The following BCAR1 variants were observed in gnomAD, a reference collection of about 807,000 sequenced individuals.
BCAR1 encodes BCAR1 scaffold protein, Cas family member, also known as breast cancer anti-estrogen resistance protein 1.
In BCAR1, 30 loss-of-function variants were observed where a neutral mutation model predicts 67.6. The observed-to-expected ratio is 0.44, with a 90% CI of 0.33 to 0.60. BCAR1 has a LOEUF of 0.60. Among genes scored for constraint, BCAR1 ranks in the 20% least tolerant of loss-of-function variants. The probability of loss-of-function intolerance (pLI) is 0.02; values close to 1 mark genes in which losing one functional copy is unlikely to be tolerated. For synonymous variants in BCAR1, 626 were observed against 556.7 expected (o/e 1.12, Z -1.75); for missense variants, 1,313 against 1,222.3 (o/e 1.07, Z -1.11).
rs192073772 is a variant in BCAR1, at chr16:75,237,291, C to T, written c.687G>A (p.Pro229=). The T allele has an allele frequency of 6.5e-5, 98 of 1,519,224 alleles. No individual in the cohort carries two copies. The East Asian group carries it at 1.6e-3, about 25-fold the overall frequency. The allele number at this position is 1,519,224 out of a possible 1,614,324, so 94.1% of individuals were successfully genotyped here. The part of the protein sequence containing the change: ...GQGYVYEAAQ[P]EQDEYDIPRH... ...GCGGGATGTCGTACTCGTCCTGCTC[C>T]GGCTGGGCGGCCTCGTATACATAGC... The change falls in exon 3 of 7, where the codon CCG becomes CCA. Residue 229 remains proline, a synonymous_variant. Coordinates refer to ENST00000162330, the MANE Select transcript of BCAR1 (RefSeq NM_014567.5).
intron 6 of BCAR1, among the ~76,000 whole-genome samples, chr16:75,231,525 C>T (rs1373879398): frequency 2.6e-5 from 4 of 152,238 alleles, no homozygotes; most frequent in Non-Finnish European, 5.9e-5. Context: ...AATGGGGCAA[C>T]AGATGTTCTC....
Position 75,235,655 on chromosome 16 carries a change from G to A in BCAR1, c.1244C>T (p.Pro415Leu). Residue 415 changes from proline to leucine, a missense_variant, in exon 5 of 7, where the codon CCA (proline) becomes CTA (leucine). Pro to Leu is a moderately conservative substitution (Grantham distance 98). Coordinates refer to ENST00000162330, the MANE Select transcript of BCAR1 (RefSeq NM_014567.5). ...CTCTGCCGGGGCTTCACGTTCAGCT[G>A]GGGGAGGCACCGCATACACACCACT... The part of the protein sequence containing the change: ...VDSGVYAVPP[P>L]AEREAPAEGK... The A allele has an allele frequency of 6.2e-7, 1 of 1,609,976 alleles. No individual in the cohort carries two copies. Among genetic ancestry groups the A allele is most frequent in the Non-Finnish European group, 8.5e-7 (1 of 1,177,712 alleles).
In BCAR1 at chr16:75,235,941, G is replaced by A; in HGVS notation, c.958C>T (p.Pro320Ser). The A allele has an allele frequency of 2.5e-6, 4 of 1,574,046 alleles. No individual in the cohort carries two copies. In the South Asian group the frequency reaches 4.6e-5, roughly 18 times the overall value. ...PSVSKDVPDGPLLREETYDVP... is the reference protein window; with the variant it reads ...PSVSKDVPDGSLLREETYDVP... ...TCGTAGGTCTCCTCACGCAGCAGTG[G>A]GCCATCGGGCACATCCTTGCTCACC... Residue 320 changes from proline to serine, a missense_variant, in exon 5 of 7, where the codon CCA (proline) becomes TCA (serine). Pro to Ser is a moderately conservative substitution (Grantham distance 74, BLOSUM62 -1). Coordinates refer to ENST00000162330, the MANE Select transcript of BCAR1 (RefSeq NM_014567.5).
rs752704963 is a variant in BCAR1 at position 75,235,528 on chromosome 16, T to C, written c.1371A>G (p.Glu457=). ...GCCGTGCCAGGGCCTCCACAGCAAC[T>C]TCCAGCTCCAGGGGTTCCCGGCCCG... ...AGPGREPLEL[E]VAVEALARLQ... is the part of the protein sequence containing the mutation. The change falls in exon 5 of 7, where the codon GAA becomes GAG. Residue 457 remains glutamate, a synonymous_variant. Coordinates refer to ENST00000162330, the MANE Select transcript of BCAR1 (RefSeq NM_014567.5). 10 of 1,595,734 alleles carry C rather than the reference T, an allele frequency of 6.3e-6. No individual in the cohort carries two copies. Among genetic ancestry groups the C allele is most frequent in the Non-Finnish European group, 7.7e-6 (9 of 1,171,930 alleles).
intron 6 of BCAR1, among the ~76,000 whole-genome samples, chr16:75,233,595 C>A (rs1415241522): frequency 6.6e-6 from 1 of 152,188 alleles, no homozygotes. Flanking sequence ...TGTGAGGGGT[C>A]TATTTTCTGC....
At chr16:75,254,638 G>A (rs2077739842), upstream of BCAR1, among the ~76,000 whole-genome samples, 7 of 152,344 alleles carry the variant, frequency 4.6e-5, no homozygotes, top group South Asian at 1.4e-3. Flanking sequence ...GAATAAGGAG[G>A]AGCTGGGAGA....
chr16:75,260,024 T>G (rs2077868089), intron 1 of BCAR1, among the ~76,000 whole-genome samples: 1 of 151,730 alleles, frequency 6.6e-6, no homozygotes, highest in Non-Finnish European at 1.5e-5. Context: ...TGAAACCCTG[T>G]CTCTACTAAA....
chr16:75,237,811 AG>A (rs1453601714), intron 2 of BCAR1, among the ~76,000 whole-genome samples: 2 of 152,124 alleles, frequency 1.3e-5, no homozygotes, highest in African/African-American at 4.8e-5. Flanking sequence ...CCTCCTCAGA[AG>A]GGTTGGCCCA....
In BCAR1 at chr16:75,251,366, TC is replaced by T; in HGVS notation, c.12+104del. ...AGGGCCGCGGACCCCGGCCGGCGGT[TC>T]CCAGGCCCCGCAGGTCCGGCAGGAA... is the stretch of plus-strand genomic sequence containing the variant. On this transcript the variant is annotated intron_variant, in intron 1 of 6. Coordinates refer to ENST00000162330, the MANE Select transcript of BCAR1 (RefSeq NM_014567.5). 4 of 1,413,040 alleles carry T rather than the reference TC, an allele frequency of 2.8e-6. No individual in the cohort carries two copies. In the East Asian group the frequency reaches 9.5e-5, roughly 34 times the overall value. 87.5% of individuals were successfully genotyped at this position (1,413,040 alleles called of 1,614,324 possible).
chr16:75,236,729 C>T, intron 4 of BCAR1, 153 bp downstream of exon 4: 1 of 1,324,786 alleles, frequency 7.5e-7, no homozygotes, highest in African/African-American at 1.5e-5. Flanking sequence ...GCTTGATTTC[C>T]TCATCTGTCA....
intron 1 of BCAR1, among the ~76,000 whole-genome samples, chr16:75,244,310 TCTGG>T (rs1372196936): frequency 1.4e-4 from 22 of 152,220 alleles, no homozygotes; most frequent in Non-Finnish European, 2.6e-4. Context: ...AGTCCCACTT[TCTGG>T]ACTCCATCTG....
chr16:75,241,067 C>T (rs190630665), intron 2 of BCAR1, among the ~76,000 whole-genome samples: 2 of 152,204 alleles, frequency 1.3e-5, no homozygotes, highest in African/African-American at 4.8e-5. Context: ...ACTGTGTGTG[C>T]GTGTGCATAC....
In BCAR1 at chr16:75,229,303, G is replaced by T; in HGVS notation, c.*208C>A. On this transcript the variant is annotated 3_prime_UTR_variant, in exon 7 of 7. Coordinates refer to ENST00000162330, the MANE Select transcript of BCAR1 (RefSeq NM_014567.5). ...TGCATGCTGGGGAAGGCCACTGGCC[G>T]GCCCCTGGGCTTCGGCTCCTGAGGA... The T allele has an allele frequency of 1.2e-6, 1 of 811,040 alleles. No homozygotes were observed. The highest frequency in any genetic ancestry group is 1.7e-5 in the African/African-American group (1 of 57,388). 50.2% of individuals were successfully genotyped at this position (811,040 alleles called of 1,614,324 possible).
At chr16:75,230,166 C>G in intron 6 of BCAR1, 143 bp from the exon 7 acceptor site, 3 of 1,029,788 alleles carry the variant, frequency 2.9e-6, no homozygotes, top group Non-Finnish European at 4.0e-6. Context: ...GGGCAGTCTC[C>G]TCTCCCGGGG....
At chr16:75,258,485 G>A (rs1296701513) in intron 1 of BCAR1, among the ~76,000 whole-genome samples, 1 of 152,176 alleles carries the variant, frequency 6.6e-6, no homozygotes, top group Non-Finnish European at 1.5e-5. Context: ...GCACTGCTGT[G>A]TAAAAGAACA....
chr16:75,234,873 G>C lies in BCAR1; in HGVS notation c.2010+16C>G. The stretch of plus-strand genomic sequence containing the variant: ...CGTGGCAGAAGAGGAGCCGGGGCTG[G>C]GCAGGCGGCACCCACCTGTAGGTGG... On this transcript the variant is annotated intron_variant, in intron 5 of 6. Coordinates refer to ENST00000162330, the MANE Select transcript of BCAR1 (RefSeq NM_014567.5). 2 of 1,521,976 alleles carry C rather than the reference G, an allele frequency of 1.3e-6. No individual in the cohort carries two copies. The highest frequency in any genetic ancestry group is 1.3e-5 in the South Asian group (1 of 77,182). The allele number at this position is 1,521,976 out of a possible 1,614,324, so 94.3% of individuals were successfully genotyped here.
intron 2 of BCAR1, among the ~76,000 whole-genome samples, chr16:75,240,688 A>T (rs2077309526): frequency 6.6e-6 from 1 of 152,206 alleles, no homozygotes; most frequent in African/African-American, 2.4e-5. Flanking sequence ...ATAAAATACA[A>T]GCAGACACAA....
rs530403496 is a variant in BCAR1 at position 75,264,147 on chromosome 16, T to A, written c.66+3768A>T. 2.8e-5 allele frequency: 36 copies of A among 1,307,954 alleles called. No individual in the cohort carries two copies. The African/African-American group carries it at 5.3e-4, about 19-fold the overall frequency. 81.0% of individuals were successfully genotyped at this position (1,307,954 alleles called of 1,614,324 possible). Reference sequence around the variant, plus strand: ...TACCCAGCCCGCTGTTCCTCTCTTGTTACAGATGAGGCACAGTGCCAAAGA... The same window carrying A: ...TACCCAGCCCGCTGTTCCTCTCTTGATACAGATGAGGCACAGTGCCAAAGA... On this transcript the variant is annotated intron_variant, in intron 1 of 6. Coordinates refer to the BCAR1 transcript ENST00000393422.
intron 1 of BCAR1, chr16:75,264,750 A>G: frequency 1.1e-6 from 1 of 880,430 alleles, no homozygotes; most frequent in East Asian, 3.9e-5. Context: ...GAAAGCCCCC[A>G]CTGCCTGCTT....
Sources: gnomAD v4.1 joint callset for allele counts (sites outside exome capture counted in the v4.1 genomes callset) on GRCh38, gnomAD v4.1.1 for gene constraint, MANE v1.5 for transcripts, NCBI Gene and HGNC (gene_info 2026-07-23, HGNC 2026-07-21) for gene names.